Variants in INPP5A observed in about 807,000 individuals in gnomAD.
The protein encoded by INPP5A is inositol polyphosphate-5-phosphatase A.
In INPP5A, 14 loss-of-function variants were observed where a neutral mutation model predicts 65.2. That is an observed-to-expected ratio of 0.21 (90% confidence interval 0.14 to 0.34). INPP5A has a LOEUF of 0.34. INPP5A is among the 10% of genes least tolerant of loss of function. INPP5A has a pLI of 1.00. For missense variants in INPP5A, 431 were observed against 545.6 expected, an observed-to-expected ratio of 0.79 and a Z score of 2.09; for synonymous variants, 207 against 208.3, an observed-to-expected ratio of 0.99 and a Z score of 0.05.
At chr10:132,564,639 T>C (rs551304195) in intron 1 of INPP5A, among the ~76,000 whole-genome samples, 11 of 152,242 alleles carry the variant, frequency 7.2e-5, no homozygotes, top group African/African-American at 2.6e-4. Flanking sequence ...TGGATGAAAA[T>C]TTACTATTAA....
At chr10:132,734,039 T>A (rs1846133572) in intron 9 of INPP5A, among the ~76,000 whole-genome samples, 1 of 152,238 alleles carries the variant, frequency 6.6e-6, no homozygotes, top group African/African-American at 2.4e-5. Flanking sequence ...CACGTCTGCC[T>A]GGCACCAGGC....
intron 9 of INPP5A, among the ~76,000 whole-genome samples, chr10:132,729,203 T>C (rs1846039187): frequency 6.6e-6 from 1 of 152,140 alleles, no homozygotes; most frequent in South Asian, 2.1e-4. Flanking sequence ...TGCCTGTGGG[T>C]GTGGCCGTAA....
intron 4 of INPP5A, among the ~76,000 whole-genome samples, chr10:132,690,018 C>A (rs145397586): frequency 0.032 from 4,855 of 152,206 alleles, 78 homozygotes; most frequent in Middle Eastern, 0.037. Flanking sequence ...GCACCGGCTG[C>A]ACGGCTCACC....
chr10:132,707,975 G>GC lies in INPP5A; in HGVS notation c.475-337dup, dbSNP rs1234868091. Among the ~76,000 whole-genome samples the GC allele has an allele frequency of 6.6e-6, 1 of 152,228 alleles. No individual in the cohort carries two copies. Among genetic ancestry groups the GC allele is most frequent in the Non-Finnish European group, 1.5e-5 (1 of 68,038 alleles). ...AGCCGAGGGCGGCCGTGTGTCTCGA[G>GC]CTCCCTGATCAGCATCTGTGGTGAC... On this transcript the variant is annotated intron_variant, in intron 6 of 15. Coordinates refer to ENST00000368594, the MANE Select transcript of INPP5A (RefSeq NM_005539.5). This position sits in a 1 kb window ranked among gnomAD's most constrained non-coding sequence, Gnocchi z 5.5.
rs746454072 is a variant in INPP5A, at chr10:132,610,407, C to T, written c.117+2451C>T. On this transcript the variant is annotated intron_variant, in intron 2 of 15. Coordinates refer to ENST00000368594, the MANE Select transcript of INPP5A (RefSeq NM_005539.5). ...CGTGAACAGGAAGTAGGGGTTGCCC[C>T]GGGCCTAGCTCCGGGCCTGCACACC... 7.9e-5 allele frequency among the ~76,000 whole-genome samples: 12 copies of T among 152,228 alleles called. No individual in the cohort carries two copies. The South Asian group carries it at 1.4e-3, about 18-fold the overall frequency.
chr10:132,597,300 A>T (rs888067532), intron 1 of INPP5A, among the ~76,000 whole-genome samples: 1 of 152,202 alleles, frequency 6.6e-6, no homozygotes. Flanking sequence ...CTCTTCTCTC[A>T]GTCTCAGAAG....
intron 1 of INPP5A, among the ~76,000 whole-genome samples, chr10:132,596,630 A>G (rs1017186391): frequency 6.6e-6 from 1 of 152,000 alleles, no homozygotes; most frequent in African/African-American, 2.4e-5. Context: ...GGGTTTCACT[A>G]TGTTGGCCAG....
In INPP5A at chr10:132,545,801, T is replaced by A. The variant is rs1026921068; in HGVS notation, c.75+7630T>A. Among the ~76,000 whole-genome samples, 7 of 152,236 alleles carry A rather than the reference T, an allele frequency of 4.6e-5. No homozygotes were observed. Among genetic ancestry groups the A allele is most frequent in the Non-Finnish European group, 7.3e-5 (5 of 68,040 alleles). On this transcript the variant is annotated intron_variant, in intron 1 of 15. Transcript: ENST00000368594. This position sits in a 1 kb window ranked among gnomAD's most constrained non-coding sequence, Gnocchi z 4.6. ...GTTGGTGCTGCCATGGGCTCAGATC[T>A]GGCGTTTTCCAAGCTCCCCCTGCTT...
intron 4 of INPP5A, among the ~76,000 whole-genome samples, chr10:132,669,461 C>T (rs976381717): frequency 1.5e-4 from 23 of 152,168 alleles, no homozygotes; most frequent in African/African-American, 5.3e-4. Flanking sequence ...GACCACAGAA[C>T]GAGAGGGAGC....
At chr10:132,760,084 C>T (rs1846704498) in intron 11 of INPP5A, among the ~76,000 whole-genome samples, 1 of 152,246 alleles carries the variant, frequency 6.6e-6, no homozygotes, top group Non-Finnish European at 1.5e-5. Flanking sequence ...GCTCTGCTCT[C>T]TGAAGCTAAA....
At chr10:132,623,745 C>T (rs1323804337) in intron 2 of INPP5A, among the ~76,000 whole-genome samples, 1 of 152,086 alleles carries the variant, frequency 6.6e-6, no homozygotes, top group Non-Finnish European at 1.5e-5. Context: ...TTGCAAATTA[C>T]ATATTTGATG....
At chr10:132,661,345 G>C (rs1185408586) in intron 4 of INPP5A, among the ~76,000 whole-genome samples, 1 of 152,202 alleles carries the variant, frequency 6.6e-6, no homozygotes, top group Non-Finnish European at 1.5e-5. Flanking sequence ...TATGTCTTCA[G>C]AATCTCTTTA....
In INPP5A at chr10:132,696,565, A is replaced by G. The variant is rs76618304; in HGVS notation, c.371-1251A>G. ...CACCTGCTACCAATGAAAGAAGCCA[A>G]CCTGAAAAGGCTACACACTGTGATT... On this transcript the variant is annotated intron_variant, in intron 5 of 15. Transcript: ENST00000368594. Among the ~76,000 whole-genome samples, 1,000 of 152,320 alleles carry G rather than the reference A, an allele frequency of 6.6e-3. 6 individuals carry two copies. Among genetic ancestry groups the G allele is most frequent in the Middle Eastern group, 0.014 (4 of 294 alleles).
At chr10:132,598,352 CTT>C (rs2071734268) in intron 1 of INPP5A, among the ~76,000 whole-genome samples, 1 of 152,242 alleles carries the variant, frequency 6.6e-6, no homozygotes. Context: ...CTCCAGATCT[CTT>C]TTAATCTTGT....
rs1018766997 is a variant in INPP5A, at chr10:132,612,669, C to T, written c.117+4713C>T. Among the ~76,000 whole-genome samples the T allele has an allele frequency of 2.6e-5, 4 of 152,190 alleles. No individual in the cohort carries two copies. The East Asian group carries it at 7.7e-4, about 29-fold the overall frequency. On this transcript the variant is annotated intron_variant, in intron 2 of 15. Transcript: ENST00000368594. ...GCGCTGGCTGGAGGGGCCCTTGCCC[C>T]TTGCCTGGCCGTGTGCGTGGCCCTC...
intron 2 of INPP5A, among the ~76,000 whole-genome samples, chr10:132,624,006 C>A (rs897323802): frequency 3.3e-5 from 5 of 152,166 alleles, no homozygotes; most frequent in African/African-American, 1.2e-4. Context: ...AGTACAGAAA[C>A]CCTGACAATA....
chr10:132,606,177 G>A (rs565307629), intron 1 of INPP5A, among the ~76,000 whole-genome samples: 8 of 152,196 alleles, frequency 5.3e-5, no homozygotes, highest in Non-Finnish European at 1.0e-4. Flanking sequence ...CCCTCGATGG[G>A]GACTTGCTGG....
At position 132,783,168 on chromosome 10, in the gene INPP5A, A is replaced by AT. The variant is rs1847197773; in HGVS notation, c.*1141dup. On this transcript the variant is annotated 3_prime_UTR_variant, in exon 16 of 16. Coordinates refer to ENST00000368594, the MANE Select transcript of INPP5A (RefSeq NM_005539.5). ...GCAGTAAGTACAGCATTAGAAGGTGATTAGAGAGTCTGTTGATGAAACACA... is the reference window on the plus strand; with the variant it reads ...GCAGTAAGTACAGCATTAGAAGGTGATTTAGAGAGTCTGTTGATGAAACACA... 6.6e-6 allele frequency: 1 copy of AT among 152,448 alleles called. No homozygotes were observed. The highest frequency in any genetic ancestry group is 2.4e-5 in the African/African-American group (1 of 41,464). 9.4% of individuals were successfully genotyped at this position (152,448 alleles called of 1,614,324 possible).
rs969092111 is a variant in INPP5A, at chr10:132,674,275, G to A, written c.307-16117G>A. On this transcript the variant is annotated intron_variant, in intron 4 of 15. Coordinates refer to ENST00000368594, the MANE Select transcript of INPP5A (RefSeq NM_005539.5). The surrounding 1 kb of genome is among the most constrained non-coding windows in gnomAD (Gnocchi z 4.4). The stretch of plus-strand genomic sequence containing the variant: ...ACCATCCAGCCAAACCATTGGCTAC[G>A]GCCCATGAATCAGTATATAATCACA... Among the ~76,000 whole-genome samples the A allele has an allele frequency of 1.3e-5, 2 of 152,120 alleles. No homozygotes were observed. The highest frequency in any genetic ancestry group is 2.4e-5 in the African/African-American group (1 of 41,414).
Sources: allele counts gnomAD v4.1 joint callset (sites outside exome capture counted in the v4.1 genomes callset), GRCh38; gene constraint gnomAD v4.1.1; non-coding constraint Gnocchi (gnomAD v3.1); transcripts MANE v1.5; gene names NCBI Gene and HGNC (gene_info 2026-07-23, HGNC 2026-07-21).